The following FAF1 variants were observed in gnomAD, a reference collection of about 807,000 sequenced individuals.
The protein encoded by FAF1 is FAS-associated factor 1.
In FAF1, 25 loss-of-function variants were observed where a neutral mutation model predicts 92.5. That is an observed-to-expected ratio of 0.27 (90% CI 0.20 to 0.38). The LOEUF is 0.38. FAF1 is among the 10% of genes least tolerant of loss of function. FAF1 has a pLI of 1.00. For missense variants in FAF1, 636 were observed against 793.3 expected, an observed-to-expected ratio of 0.80 and a Z score of 2.38; for synonymous variants, 234 against 273.2, an observed-to-expected ratio of 0.86 and a Z score of 1.42.
At chr1:50,639,848 C>T (rs1557449873) in intron 8 of FAF1, among the ~76,000 whole-genome samples, 1 of 149,752 alleles carries the variant, frequency 6.7e-6, no homozygotes, top group Non-Finnish European at 1.5e-5. Flanking sequence ...TCAGAAGAAT[C>T]GCTTAAACCT....
intron 18 of FAF1, among the ~76,000 whole-genome samples, chr1:50,471,626 A>G (rs1646573475): frequency 6.6e-6 from 1 of 152,200 alleles, no homozygotes; most frequent in Admixed American, 6.5e-5. Flanking sequence ...TTGGGGATTC[A>G]TATCTATAGA....
At chr1:50,883,211 A>G (rs181301935) in intron 1 of FAF1, among the ~76,000 whole-genome samples, 36 of 152,256 alleles carry the variant, frequency 2.4e-4, no homozygotes, top group African/African-American at 7.9e-4. Flanking sequence ...ATCAAAAATA[A>G]AAATGTCTGA....
At chr1:50,713,627 G>GTA in intron 6 of FAF1, among the ~76,000 whole-genome samples, 1 of 151,924 alleles carries the variant, frequency 6.6e-6, no homozygotes. Context: ...ATAAGCAAAC[G>GTA]TAGAACCTTT....
Position 50,568,906 on chromosome 1 carries a change from A to G in FAF1, c.1114-1675T>C, listed in dbSNP as rs554389752. On this transcript the variant is annotated intron_variant, in intron 12 of 18. Transcript: ENST00000396153. ...GGGAATAAGGGCAGGACTCCTGGGT[A>G]TAAGTAGCTCAGCTGATCCCACCCT... Among the ~76,000 whole-genome samples, 7 of 152,286 alleles carry G rather than the reference A, an allele frequency of 4.6e-5. No homozygotes were observed. In the East Asian group the frequency reaches 5.8e-4, roughly 13 times the overall value.
chr1:50,491,867 A>G, intron 15 of FAF1, 66 bp from the exon 16 acceptor site: 1 of 1,201,668 alleles, frequency 8.3e-7, no homozygotes, highest in Non-Finnish European at 1.2e-6. Flanking sequence ...GAGAAAAAAA[A>G]CTAATGGTAA....
rs186707140 is a variant in FAF1 at position 50,828,561 on chromosome 1, G to A, written c.115-26884C>T. 9.9e-5 allele frequency among the ~76,000 whole-genome samples: 15 copies of A among 152,154 alleles called. No individual in the cohort carries two copies. In the East Asian group the frequency reaches 2.7e-3, roughly 27 times the overall value. The stretch of plus-strand genomic sequence containing the variant: ...TGGGATTACAGGCCTGAGCCACCGC[G>A]CCCGGCCAAGAAGGGTCTTTTCAAT... On this transcript the variant is annotated intron_variant, in intron 2 of 18. Coordinates refer to ENST00000396153, the MANE Select transcript of FAF1 (RefSeq NM_007051.3).
intron 15 of FAF1, among the ~76,000 whole-genome samples, chr1:50,531,458 G>A (rs7545617): frequency 0.015 from 2,250 of 152,200 alleles, 67 homozygotes; most frequent in African/African-American, 0.052. Flanking sequence ...TACATGTTAG[G>A]AAGCATCTAT....
At chr1:50,685,093 G>A (rs538137275) in intron 7 of FAF1, among the ~76,000 whole-genome samples, 3 of 152,234 alleles carry the variant, frequency 2.0e-5, no homozygotes, top group East Asian at 1.9e-4. Flanking sequence ...AAACACATAC[G>A]GATCTTTGAA....
intron 18 of FAF1, among the ~76,000 whole-genome samples, chr1:50,447,073 G>A (rs958773653): frequency 1.3e-5 from 2 of 150,756 alleles, no homozygotes; most frequent in African/African-American, 4.9e-5. Context: ...TCAATATGTG[G>A]AACTGGAAAA....
At chr1:50,936,362 A>G (rs564154247) in intron 1 of FAF1, among the ~76,000 whole-genome samples, 9 of 152,318 alleles carry the variant, frequency 5.9e-5, no homozygotes, top group Admixed American at 5.2e-4. Context: ...AAGAATGAGA[A>G]ATACAGAGGA....
intron 2 of FAF1, among the ~76,000 whole-genome samples, chr1:50,814,619 A>G (rs747303239): frequency 6.6e-5 from 10 of 152,232 alleles, no homozygotes; most frequent in Non-Finnish European, 1.3e-4. Flanking sequence ...TTAGATACGT[A>G]AGAGTAAATA....
intron 7 of FAF1, among the ~76,000 whole-genome samples, chr1:50,673,275 A>AAAAAAG (rs1655979532): frequency 6.6e-6 from 1 of 151,844 alleles, no homozygotes; most frequent in Admixed American, 6.6e-5. Context: ...AAAAGAAAAG[A>AAAAAAG]AAAAAGAAAA....
intron 1 of FAF1, among the ~76,000 whole-genome samples, chr1:50,922,544 G>A (rs558337077): frequency 5.4e-4 from 80 of 148,710 alleles, no homozygotes; most frequent in African/African-American, 9.8e-4. Context: ...AAGCTAGGCC[G>A]CAGTGGCTCA....
chr1:50,791,255 C>G (rs1169780949), intron 3 of FAF1, among the ~76,000 whole-genome samples: 1 of 152,214 alleles, frequency 6.6e-6, no homozygotes, highest in African/African-American at 2.4e-5. Context: ...TGTGCGATGA[C>G]ATTTCACATC....
At chr1:50,790,305 C>T (rs911796459) in intron 3 of FAF1, among the ~76,000 whole-genome samples, 14 of 152,032 alleles carry the variant, frequency 9.2e-5, no homozygotes, top group African/African-American at 3.4e-4. Flanking sequence ...CCACGCCTGG[C>T]TAATTTTTGT....
At chr1:50,612,933 C>T (rs1320520749) in intron 8 of FAF1, among the ~76,000 whole-genome samples, 1 of 152,168 alleles carries the variant, frequency 6.6e-6, no homozygotes, top group Non-Finnish European at 1.5e-5. Context: ...CTACAACTTT[C>T]ATTGTATCTG....
At chr1:50,844,968 A>T (rs1361695338) in intron 2 of FAF1, among the ~76,000 whole-genome samples, 1 of 152,184 alleles carries the variant, frequency 6.6e-6, no homozygotes, top group African/African-American at 2.4e-5. Flanking sequence ...AATAAAATAA[A>T]AGGTACAGAA....
In FAF1 at chr1:50,573,419, A is replaced by G. The variant is rs561853652; in HGVS notation, c.1114-6188T>C. Among the ~76,000 whole-genome samples, 3 of 152,148 alleles carry G rather than the reference A, an allele frequency of 2.0e-5. No individual in the cohort carries two copies. The East Asian group carries it at 5.8e-4, about 29-fold the overall frequency. ...TGGCCTGAAGCGGAATTTTAAATAT[A>G]CGTGAGAGTGAGAAAAAGAAGAGTA... On this transcript the variant is annotated intron_variant, in intron 12 of 18. Transcript: ENST00000396153.
chr1:50,719,478 A>G (rs1331492514), intron 6 of FAF1, among the ~76,000 whole-genome samples: 1 of 152,168 alleles, frequency 6.6e-6, no homozygotes, highest in Non-Finnish European at 1.5e-5. Context: ...TTCTAATAAC[A>G]TTTTTCATGA....
Sources: allele counts gnomAD v4.1 joint callset (sites outside exome capture counted in the v4.1 genomes callset), GRCh38; gene constraint gnomAD v4.1.1; transcripts MANE v1.5; gene names NCBI Gene and HGNC (gene_info 2026-07-23, HGNC 2026-07-21).